Variants in GKAP1 observed in about 807,000 individuals in gnomAD.
The protein encoded by GKAP1 is G kinase-anchoring protein 1.
A neutral mutation model predicts 56.7 loss-of-function variants in GKAP1; 31 were observed. That is an observed-to-expected ratio of 0.55 (90% CI 0.41 to 0.74). GKAP1 has a LOEUF of 0.74. Ranked by LOEUF, GKAP1 falls within the 30% of genes least tolerant of loss-of-function variation. GKAP1 has a pLI of 0.00. For synonymous variants in GKAP1, 151 were observed against 138.6 expected (o/e 1.09, Z -0.63); for missense variants, 364 against 402.3 (o/e 0.90, Z 0.82).
rs575538164 is a variant in GKAP1, at chr9:83,792,907, A to G, written c.361-4229T>C. 1.2e-5 allele frequency: 7 copies of G among 575,840 alleles called. No individual in the cohort carries two copies. The South Asian group carries it at 2.3e-4, about 19-fold the overall frequency. The allele number at this position is 575,840 out of a possible 1,614,324, so 35.7% of individuals were successfully genotyped here. ...AGGAGGAAAGGAAGAAAAAGAGGAA[A>G]TAGCAGGCACTAAAATGCCTACAGA... On this transcript the variant is annotated intron_variant, in intron 4 of 12. Coordinates refer to ENST00000376371, the MANE Select transcript of GKAP1 (RefSeq NM_025211.4).
intron 8 of GKAP1, among the ~76,000 whole-genome samples, chr9:83,755,270 T>C (rs1021914638): frequency 1.3e-5 from 2 of 152,260 alleles, no homozygotes; most frequent in South Asian, 2.1e-4. Context: ...GTTAAATATA[T>C]AGTAAATTCA....
intron 4 of GKAP1, among the ~76,000 whole-genome samples, chr9:83,797,036 T>C (rs991915984): frequency 6.6e-6 from 1 of 152,166 alleles, no homozygotes; most frequent in African/African-American, 2.4e-5. Flanking sequence ...AAACTTTTCT[T>C]CCATTGATAC....
intron 8 of GKAP1, among the ~76,000 whole-genome samples, chr9:83,762,736 A>G (rs1943595127): frequency 6.6e-6 from 1 of 152,200 alleles, no homozygotes; most frequent in Non-Finnish European, 1.5e-5. Flanking sequence ...GAACCCAGAA[A>G]CAAATCCACA....
chr9:83,805,575 A>AT (rs1437735756), intron 3 of GKAP1, among the ~76,000 whole-genome samples: 1 of 152,002 alleles, frequency 6.6e-6, no homozygotes, highest in South Asian at 2.1e-4. Context: ...CTCATGGTTA[A>AT]TTTTTTTTAA....
Position 83,739,647 on chromosome 9 carries a change from C to T in GKAP1, c.*50G>A. On this transcript the variant is annotated 3_prime_UTR_variant, in exon 13 of 13. Transcript: ENST00000376371. ...ACAGCATTAAATATATACAACTTTG[C>T]AAAATCCTGGAAGTTTTAAACTTTG... The T allele has an allele frequency of 1.3e-6, 2 of 1,516,600 alleles. No individual in the cohort carries two copies. The highest frequency in any genetic ancestry group is 1.8e-6 in the Non-Finnish European group (2 of 1,113,958). The allele number at this position is 1,516,600 out of a possible 1,614,324, so 93.9% of individuals were successfully genotyped here.
At position 83,759,133 on chromosome 9, in the gene GKAP1, A is replaced by G. The variant is rs570571103; in HGVS notation, c.739-5774T>C. Among the ~76,000 whole-genome samples, 3 of 152,236 alleles carry G rather than the reference A, an allele frequency of 2.0e-5. No individual in the cohort carries two copies. The South Asian group carries it at 6.2e-4, about 32-fold the overall frequency. On this transcript the variant is annotated intron_variant, in intron 8 of 12. Transcript: ENST00000376371. ...CCAATACCTTGGCAGCCCCTCCCCA[A>G]TCATACCCCTTTTCCCTCCTCTTCT...
At chr9:83,760,685 A>T (rs558812851) in intron 8 of GKAP1, among the ~76,000 whole-genome samples, 3 of 152,310 alleles carry the variant, frequency 2.0e-5, no homozygotes, top group East Asian at 3.9e-4. Context: ...ACCACAATGA[A>T]ATAAAGCTAC....
chr9:83,811,935 A>G (rs1944510631), intron 2 of GKAP1, among the ~76,000 whole-genome samples: 1 of 152,166 alleles, frequency 6.6e-6, no homozygotes, highest in African/African-American at 2.4e-5. Flanking sequence ...AACAGCCTTG[A>G]CAGAAATCTA....
chr9:83,741,794 T>C (rs377467972), intron 12 of GKAP1, among the ~76,000 whole-genome samples, 158 bp downstream of exon 12: 1 of 152,186 alleles, frequency 6.6e-6, no homozygotes, highest in Non-Finnish European at 1.5e-5. Flanking sequence ...TAGAATAACA[T>C]CTTCTACATT....
At position 83,773,993 on chromosome 9, in the gene GKAP1, T is replaced by G. The variant is rs1204061189; in HGVS notation, c.586-5023A>C. 2.6e-5 allele frequency among the ~76,000 whole-genome samples: 4 copies of G among 152,028 alleles called. No individual in the cohort carries two copies. In the East Asian group the frequency reaches 7.8e-4, roughly 30 times the overall value. ...TACTTTATTATTACTATTATTATTT[T>G]GTAGACAGTTTTGCTCTAGGCACGT... On this transcript the variant is annotated intron_variant, in intron 7 of 12. Coordinates refer to ENST00000376371, the MANE Select transcript of GKAP1 (RefSeq NM_025211.4).
chr9:83,793,236 A>C (rs1040342350), intron 4 of GKAP1, among the ~76,000 whole-genome samples: 1 of 152,242 alleles, frequency 6.6e-6, no homozygotes, highest in Non-Finnish European at 1.5e-5. Flanking sequence ...TCTCATAGGC[A>C]ACATGGAAAT....
At chr9:83,741,638 G>C (rs989495434) in intron 12 of GKAP1, among the ~76,000 whole-genome samples, 1 of 152,056 alleles carries the variant, frequency 6.6e-6, no homozygotes, top group East Asian at 1.9e-4. Context: ...AGATATCACT[G>C]TATCCAAGTG....
At chr9:83,773,483 T>C (rs1025869054) in intron 7 of GKAP1, among the ~76,000 whole-genome samples, 1 of 152,050 alleles carries the variant, frequency 6.6e-6, no homozygotes, top group African/African-American at 2.4e-5. Context: ...ATACTTGCAA[T>C]GGGTGAATTT....
Position 83,739,685 on chromosome 9 carries a change from A to G in GKAP1, c.*12T>C, listed in dbSNP as rs779759891. The G allele has an allele frequency of 1.9e-6, 3 of 1,597,568 alleles. No individual in the cohort carries two copies. The highest frequency in any genetic ancestry group is 2.7e-5 in the African/African-American group (2 of 74,206). On this transcript the variant is annotated 3_prime_UTR_variant, in exon 13 of 13. Transcript: ENST00000376371. ...GTTTTAAACTTTGTGTTGACTTCAA[A>G]GGCTAATGTAATCACCTACACTGGT...
chr9:83,791,332 G>A (rs1944155829), intron 4 of GKAP1, among the ~76,000 whole-genome samples: 1 of 151,946 alleles, frequency 6.6e-6, no homozygotes, highest in Non-Finnish European at 1.5e-5. Context: ...GAACCCAGGA[G>A]GCGGAGCTTG....
chr9:83,758,740 T>A (rs1282491728), intron 8 of GKAP1, among the ~76,000 whole-genome samples: 2 of 149,044 alleles, frequency 1.3e-5, no homozygotes, highest in Non-Finnish European at 3.0e-5. Flanking sequence ...AGAGACTCCA[T>A]CTCCAAAAAA....
At chr9:83,753,510 A>G (rs904210806) in intron 8 of GKAP1, 151 bp from the exon 9 acceptor site, 3 of 641,988 alleles carry the variant, frequency 4.7e-6, no homozygotes, top group Non-Finnish European at 2.7e-6. Flanking sequence ...CTTTCACTCA[A>G]TTATATAATC....
intron 3 of GKAP1, among the ~76,000 whole-genome samples, chr9:83,804,857 C>G (rs1430487554): frequency 6.8e-6 from 1 of 147,118 alleles, no homozygotes; most frequent in African/African-American, 2.5e-5. Context: ...GGGGGTCAGC[C>G]CCCCGCCCGG....
intron 3 of GKAP1, among the ~76,000 whole-genome samples, 178 bp from the exon 4 acceptor site, chr9:83,799,506 T>C (rs923983020): frequency 6.6e-6 from 1 of 152,208 alleles, no homozygotes; most frequent in Non-Finnish European, 1.5e-5. Flanking sequence ...AGAATGTTAA[T>C]TTTGCCAGCA....
Sources: gnomAD v4.1 joint callset for allele counts (sites outside exome capture counted in the v4.1 genomes callset) on GRCh38, gnomAD v4.1.1 for gene constraint, MANE v1.5 for transcripts, NCBI Gene and HGNC (gene_info 2026-07-23, HGNC 2026-07-21) for gene names.